Variants in RIMS2 observed in about 807,000 individuals in gnomAD.
RIMS2 encodes the protein regulating synaptic membrane exocytosis protein 2.
RIMS2 carries 59 observed loss-of-function variants against 174.4 expected under a neutral mutation model. The observed-to-expected ratio is 0.34, with a 90% CI of 0.27 to 0.42. The LOEUF (loss-of-function observed/expected upper bound fraction) is 0.42, where lower values mean the gene tolerates loss of function less well. RIMS2 is among the 10% of genes least tolerant of loss of function. The pLI is 1.00. For synonymous variants in RIMS2, 606 were observed against 572.5 expected (o/e 1.06, Z -0.84); for missense variants, 1,620 against 1,666.3 (o/e 0.97, Z 0.48).
chr8:104,144,743 C>T (rs2098617271), intron 19 of RIMS2, among the ~76,000 whole-genome samples: 1 of 152,056 alleles, frequency 6.6e-6, no homozygotes, highest in Non-Finnish European at 1.5e-5. Flanking sequence ...CATATCTCTT[C>T]ATTCTTCTTT....
chr8:104,209,255 A>G (rs28527391), intron 19 of RIMS2, among the ~76,000 whole-genome samples: 1,568 of 152,328 alleles, frequency 0.01, 22 homozygotes, highest in African/African-American at 0.034. Context: ...CACTTAACAC[A>G]TAGGGATATT....
Position 103,603,413 on chromosome 8 carries a change from T to C in RIMS2, c.177-93673T>C, listed in dbSNP as rs996438607. ...AGTCTATCATTGTTGGGCATTTGGG[T>C]TGGTTCCAAGTCTTTGCTATTGTGA... is the stretch of plus-strand genomic sequence containing the variant. On this transcript the variant is annotated intron_variant, in intron 1 of 23. Transcript: ENST00000504942. Among the ~76,000 whole-genome samples, 29 of 148,794 alleles carry C rather than the reference T, an allele frequency of 1.9e-4. 1 individual carries two copies. The highest frequency in any genetic ancestry group is 6.7e-4 in the African/African-American group (27 of 40,412).
At chr8:103,814,466 T>C (rs890703831) in intron 3 of RIMS2, among the ~76,000 whole-genome samples, 1 of 151,716 alleles carries the variant, frequency 6.6e-6, no homozygotes, top group Non-Finnish European at 1.5e-5. Context: ...ACTTCAAAAA[T>C]TTTTGAGGAT....
chr8:104,128,218 A>T (rs919104039), intron 19 of RIMS2, among the ~76,000 whole-genome samples: 2 of 152,232 alleles, frequency 1.3e-5, no homozygotes, highest in African/African-American at 4.8e-5. Flanking sequence ...CCACAGGGTC[A>T]TACAGCCAAC....
At chr8:103,962,734 C>T (rs55885996) in intron 15 of RIMS2, among the ~76,000 whole-genome samples, 7 of 152,130 alleles carry the variant, frequency 4.6e-5, no homozygotes, top group Non-Finnish European at 8.8e-5. Flanking sequence ...ATTTGACCCT[C>T]TCAGCTCAGC....
At chr8:104,108,086 T>C (rs1459098318) in intron 19 of RIMS2, among the ~76,000 whole-genome samples, 1 of 151,948 alleles carries the variant, frequency 6.6e-6, no homozygotes, top group Non-Finnish European at 1.5e-5. Context: ...GGTTGGTTGG[T>C]TGATTTACTG....
chr8:104,022,664 G>T (rs1426203562), intron 19 of RIMS2, among the ~76,000 whole-genome samples: 1 of 152,136 alleles, frequency 6.6e-6, no homozygotes, highest in Admixed American at 6.5e-5. Flanking sequence ...GGGATTACAG[G>T]TGTGAGCCAC....
chr8:104,014,524 G>T (rs1597142046), exon 19 of RIMS2: 6 of 1,609,474 alleles, frequency 3.7e-6, no homozygotes, highest in Non-Finnish European at 5.1e-6. Context: ...CTCGTACTGG[G>T]TCTGTCCAGA....
At chr8:104,026,535 T>C (rs2096261949) in intron 19 of RIMS2, among the ~76,000 whole-genome samples, 1 of 151,942 alleles carries the variant, frequency 6.6e-6, no homozygotes, top group Non-Finnish European at 1.5e-5. Flanking sequence ...TCCCTGAAAA[T>C]ACACAATGAG....
intron 1 of RIMS2, among the ~76,000 whole-genome samples, chr8:103,661,562 G>A (rs1023095260): frequency 1.3e-5 from 2 of 151,888 alleles, no homozygotes; most frequent in Non-Finnish European, 2.9e-5. Flanking sequence ...GGAGTGCAGT[G>A]GCGTGATCTT....
intron 2 of RIMS2, among the ~76,000 whole-genome samples, chr8:103,758,912 T>C (rs2098069952): frequency 6.6e-6 from 1 of 152,216 alleles, no homozygotes; most frequent in Non-Finnish European, 1.5e-5. Flanking sequence ...ATAATTTTAA[T>C]TGGATGAAAT....
chr8:103,775,452 G>A (rs2098303608), intron 3 of RIMS2, among the ~76,000 whole-genome samples: 1 of 152,046 alleles, frequency 6.6e-6, no homozygotes, highest in South Asian at 2.1e-4. Flanking sequence ...TTTATTCCTA[G>A]ATATTTCTTC....
chr8:103,527,778 T>C (rs529702909), intron 1 of RIMS2, among the ~76,000 whole-genome samples: 2 of 152,338 alleles, frequency 1.3e-5, no homozygotes, highest in East Asian at 1.9e-4. Context: ...ATTTTCTCAA[T>C]CCAGTCTATC....
chr8:103,747,401 G>A (rs1336586262), intron 2 of RIMS2, among the ~76,000 whole-genome samples: 1 of 150,874 alleles, frequency 6.6e-6, no homozygotes, highest in East Asian at 2.0e-4. Context: ...TTTATTTGGA[G>A]CAAAACAGGA....
chr8:103,923,849 C>T (rs1021189272), intron 10 of RIMS2, among the ~76,000 whole-genome samples: 1 of 151,666 alleles, frequency 6.6e-6, no homozygotes, highest in Admixed American at 6.6e-5. Flanking sequence ...ATAATCCTGA[C>T]ACTGAAATAT....
intron 1 of RIMS2, among the ~76,000 whole-genome samples, chr8:103,695,257 C>T (rs1368843569): frequency 1.3e-5 from 2 of 152,296 alleles, no homozygotes; most frequent in African/African-American, 2.4e-5. Flanking sequence ...GGTGTTTTCA[C>T]ATATGAGTAG....
At chr8:104,162,619 A>G (rs2098770314) in intron 19 of RIMS2, among the ~76,000 whole-genome samples, 1 of 152,028 alleles carries the variant, frequency 6.6e-6, no homozygotes. Context: ...AGGGGGGGAG[A>G]TCTTTCTTTT....
At chr8:103,644,210 G>T (rs773802059) in intron 1 of RIMS2, among the ~76,000 whole-genome samples, 13 of 152,094 alleles carry the variant, frequency 8.5e-5, no homozygotes, top group Non-Finnish European at 1.6e-4. Context: ...ATTATAAAGT[G>T]TTTGTGGATA....
intron 10 of RIMS2, among the ~76,000 whole-genome samples, chr8:103,924,934 G>A (rs924088511): frequency 1.3e-5 from 2 of 151,472 alleles, no homozygotes; most frequent in Non-Finnish European, 3.0e-5. Context: ...GCATGAGTTC[G>A]GGTTTATGCC....
Sources: gnomAD v4.1 joint callset for allele counts (sites outside exome capture counted in the v4.1 genomes callset) on GRCh38, gnomAD v4.1.1 for gene constraint, MANE v1.5 for transcripts, NCBI Gene and HGNC (gene_info 2026-07-23, HGNC 2026-07-21) for gene names.